The following VWA5B1 variants were observed in gnomAD, a reference collection of about 807,000 sequenced individuals.
The protein encoded by VWA5B1 is von Willebrand factor A domain-containing protein 5B1.
In VWA5B1, 115 loss-of-function variants were observed where a neutral mutation model predicts 118.2. The ratio of observed to expected loss-of-function variants is 0.97; its 90% confidence interval spans 0.84 to 1.14. The LOEUF is 1.14. VWA5B1 is among the 50% of genes most tolerant of loss of function. The pLI is 0.00. For synonymous variants in VWA5B1, 682 were observed against 658.4 expected (o/e 1.04, Z -0.55); for missense variants, 1,596 against 1,603.8 (o/e 1.00, Z 0.08).
At chr1:20,339,093 G>A (rs1219281639) in intron 14 of VWA5B1, 1 of 152,112 alleles carries the variant, frequency 6.6e-6, no homozygotes, top group Non-Finnish European at 1.5e-5. Flanking sequence ...AGCATCCCTT[G>A]GCCTCTGCTC....
rs1156686939 is a variant in VWA5B1 at position 20,343,375 on chromosome 1, G to T, written c.2608G>T (p.Glu870Ter). Residue 870 changes from glutamate (E) to a stop codon, truncating the protein, a stop_gained, in exon 16 of 22, where the codon GAG becomes TAG. Transcript: ENST00000289815. LOFTEE classifies it high-confidence loss of function. ...IRDFEQLAER[E>*]GEIEQGSNRR... ...CGACTTCGAGCAGCTGGCGGAGCGC[G>T]AGGGCGAGATCGAGCAGGGTGAGCG... 3 of 1,534,096 alleles carry T rather than the reference G, an allele frequency of 2.0e-6. No individual in the cohort carries two copies. The highest frequency in any genetic ancestry group is 2.6e-6 in the Non-Finnish European group (3 of 1,142,704).
At chr1:20,317,887 T>C (rs1449573665) in intron 5 of VWA5B1, among the ~76,000 whole-genome samples, 2 of 151,866 alleles carry the variant, frequency 1.3e-5, no homozygotes, top group Middle Eastern at 3.2e-3. Context: ...CAACCGACTT[T>C]CACCCCAGTG....
At chr1:20,291,339 CTCTTTCTTTCTT>C (rs767987500) in intron 1 of VWA5B1, among the ~76,000 whole-genome samples, 12 of 135,116 alleles carry the variant, frequency 8.9e-5, no homozygotes, top group Admixed American at 1.5e-4. Flanking sequence ...CTCTCTCTCT[CTCTTTCTTTCTT>C]TCTTTCTTTC....
At chr1:20,322,569 C>T (rs1275115964) in intron 7 of VWA5B1, among the ~76,000 whole-genome samples, 2 of 152,180 alleles carry the variant, frequency 1.3e-5, no homozygotes, top group South Asian at 2.1e-4. Context: ...TAAGAGATGA[C>T]CTGCCCTCAA....
chr1:20,343,794 C>G (rs542964434), intron 16 of VWA5B1, among the ~76,000 whole-genome samples: 1 of 47,488 alleles, frequency 2.1e-5, no homozygotes, highest in Non-Finnish European at 4.3e-5. Flanking sequence ...CCCGCCCCCC[C>G]TCTCCCGTCG....
chr1:20,328,605 T>A (rs1313049426), intron 9 of VWA5B1, among the ~76,000 whole-genome samples: 3 of 152,162 alleles, frequency 2.0e-5, no homozygotes, highest in Non-Finnish European at 2.9e-5. Context: ...AAAAATAATG[T>A]TATGAGTTTT....
At chr1:20,302,372 T>C (rs1019774312) in intron 1 of VWA5B1, among the ~76,000 whole-genome samples, 1 of 152,230 alleles carries the variant, frequency 6.6e-6, no homozygotes. Flanking sequence ...ATCCACCCCA[T>C]GACACATTTC....
rs556202352 is a variant in VWA5B1 at position 20,323,678 on chromosome 1, C to A, written c.1143+146C>A. 106 of 879,068 alleles carry A rather than the reference C, an allele frequency of 1.2e-4. 1 individual carries two copies. In the Middle Eastern group the frequency reaches 2.6e-3, roughly 22 times the overall value. The allele number at this position is 879,068 out of a possible 1,614,324, so 54.5% of individuals were successfully genotyped here. A position where few individuals can be genotyped will look rare whatever the true frequency, so the allele number is the denominator to read the frequency against. Reference sequence around the variant, plus strand: ...AACAGAGATACCCAAACTCCATTTGCATCCCCATAAAAACATGAAGTGGTG... The same window carrying A: ...AACAGAGATACCCAAACTCCATTTGAATCCCCATAAAAACATGAAGTGGTG... On this transcript the variant is annotated intron_variant, in intron 8 of 21. Coordinates refer to ENST00000289815, the MANE Select transcript of VWA5B1 (RefSeq NM_001039500.3).
intron 14 of VWA5B1, among the ~76,000 whole-genome samples, chr1:20,340,860 C>T (rs535963819): frequency 5.3e-5 from 8 of 152,270 alleles, no homozygotes; most frequent in South Asian, 2.1e-4. Flanking sequence ...ACACTATACA[C>T]GTATGTATTT....
At chr1:20,338,252 C>G in intron 14 of VWA5B1, 1 of 361,674 alleles carries the variant, frequency 2.8e-6, no homozygotes, top group East Asian at 7.3e-5. Flanking sequence ...TGAAGGACCC[C>G]CTGCCTTCAA....
rs763246192 is a variant in VWA5B1 at position 20,317,671 on chromosome 1, C to T, written c.705C>T (p.Leu235=). The T allele has an allele frequency of 3.2e-5, 50 of 1,550,324 alleles. No homozygotes were observed. Among genetic ancestry groups the T allele is most frequent in the Middle Eastern group, 1.7e-4 (1 of 6,002 alleles). The change falls in exon 5 of 22, where the codon CTC becomes CTT. Residue 235 remains leucine, a synonymous_variant. Coordinates refer to ENST00000289815, the MANE Select transcript of VWA5B1 (RefSeq NM_001039500.3). ...TGGAGATCCGTGGGCCATGTCTGCTCGCAGGTGAGAGGGAGACATCCAGAC... is the reference window on the plus strand; with the variant it reads ...TGGAGATCCGTGGGCCATGTCTGCTTGCAGGTGAGAGGGAGACATCCAGAC... ...FQLEIRGPCL[L]AGVESPTHEI... is the part of the protein sequence containing the mutation.
intron 14 of VWA5B1, among the ~76,000 whole-genome samples, chr1:20,341,788 A>G (rs992533922): frequency 6.6e-5 from 10 of 152,246 alleles, no homozygotes; most frequent in African/African-American, 2.4e-4. Context: ...AACAGAACAG[A>G]AAGTCCATAA....
intron 6 of VWA5B1, 80 bp downstream of exon 6, chr1:20,318,801 C>T (rs901454541): frequency 2.8e-6 from 4 of 1,408,330 alleles, no homozygotes; most frequent in East Asian, 2.7e-5. Flanking sequence ...AACATGTGGC[C>T]CCCCGCCCAG....
chr1:20,325,951 G>A (rs2089366658), intron 8 of VWA5B1, among the ~76,000 whole-genome samples: 1 of 152,154 alleles, frequency 6.6e-6, no homozygotes, highest in Admixed American at 6.5e-5. Context: ...TATGCCAAAG[G>A]GGAAAGTCCG....
chr1:20,331,363 A>G (rs2089549806), intron 11 of VWA5B1, among the ~76,000 whole-genome samples: 1 of 152,260 alleles, frequency 6.6e-6, no homozygotes, highest in Non-Finnish European at 1.5e-5. Flanking sequence ...AGGAGGCTAT[A>G]GTCTGCTTTC....
In VWA5B1 at chr1:20,336,352, C is replaced by T; in HGVS notation, c.1808C>T (p.Ser603Phe). The change falls in exon 13 of 22, where the codon TCT (serine) becomes TTT (phenylalanine). Residue 603 changes from serine to phenylalanine, a missense_variant. By Grantham distance (155) the Ser-to-Phe change is radical. Coordinates refer to ENST00000289815, the MANE Select transcript of VWA5B1 (RefSeq NM_001039500.3). ...SMLHSQESGS[S>F]VFYHSQDDGP... ...CTGCACTCTCAGGAGTCTGGCAGCT[C>T]TGTCTTCTACCACTCTCAGGATGAC... 6.6e-7 allele frequency: 1 copy of T among 1,524,352 alleles called. No individual in the cohort carries two copies. The highest frequency in any genetic ancestry group is 1.4e-5 in the African/African-American group (1 of 72,458). 94.4% of individuals were successfully genotyped at this position (1,524,352 alleles called of 1,614,324 possible).
chr1:20,304,853 G>A (rs1205790347), intron 1 of VWA5B1, among the ~76,000 whole-genome samples: 2 of 152,112 alleles, frequency 1.3e-5, no homozygotes, highest in East Asian at 3.9e-4. Flanking sequence ...TGGGCAAGTT[G>A]CCTCACCTCT....
At chr1:20,345,391 C>T in intron 16 of VWA5B1, 65 bp from the exon 17 acceptor site, 1 of 1,548,170 alleles carries the variant, frequency 6.5e-7, no homozygotes, top group South Asian at 1.2e-5. Context: ...TTTTAGCTTC[C>T]AAAGCTTGTG....
At position 20,291,387 on chromosome 1, in the gene VWA5B1, T is replaced by TCTCTC. The variant is rs57894456; in HGVS notation, c.-27+299_-27+300insCTCTC. ...TCTCTCTCTCTCTCTCTCTCTCTCT[T>TCTCTC]TCTGTCTCCTCTATTTCTCTCCCTC... On this transcript the variant is annotated intron_variant, in intron 1 of 21. Transcript: ENST00000289815. 6.9e-3 allele frequency among the ~76,000 whole-genome samples: 789 copies of TCTCTC among 114,144 alleles called. 16 individuals carry two copies. The highest frequency in any genetic ancestry group is 0.016 in the East Asian group (57 of 3,526). The allele number at this position is 114,144 out of a possible 152,430, so 74.9% of individuals were successfully genotyped here.
Sources: allele counts gnomAD v4.1 joint callset (sites outside exome capture counted in the v4.1 genomes callset), GRCh38; gene constraint gnomAD v4.1.1; transcripts MANE v1.5; gene names NCBI Gene and HGNC (gene_info 2026-07-23, HGNC 2026-07-21).